The following TMEM170B variants were observed in gnomAD, a reference collection of about 807,000 sequenced individuals.
TMEM170B encodes transmembrane protein 170B.
Under a neutral mutation model 13.0 loss-of-function variants are expected in TMEM170B, and 6 were observed. The observed-to-expected ratio is 0.46, with a 90% CI of 0.25 to 0.91. TMEM170B has a LOEUF of 0.91. TMEM170B is among the 40% of genes least tolerant of loss of function. The pLI, the probability that TMEM170B is intolerant of heterozygous loss-of-function variation, is 0.17. For synonymous variants in TMEM170B, 61 were observed against 64.9 expected (o/e 0.94, Z 0.29); for missense variants, 138 against 165.2 (o/e 0.84, Z 0.90).
chr6:11,575,304 T>C lies in TMEM170B; in HGVS notation c.269-127T>C, dbSNP rs1759859478. ...CACAGGGAAACTTTTTCATAGAAAG[T>C]GGATAAAATGAGAAAAAAATGATGA... is the stretch of plus-strand genomic sequence containing the variant. On this transcript the variant is annotated intron_variant, in intron 2 of 2. Transcript: ENST00000379426. This position sits in a 1 kb window ranked among gnomAD's most constrained non-coding sequence, Gnocchi z 4.1. 1.5e-5 allele frequency: 19 copies of C among 1,292,040 alleles called. No homozygotes were observed. In the South Asian group the frequency reaches 2.8e-4, roughly 19 times the overall value. The allele number at this position is 1,292,040 out of a possible 1,614,324, so 80.0% of individuals were successfully genotyped here. A position where few individuals can be genotyped will look rare whatever the true frequency, so the allele number is the denominator to read the frequency against.
chr6:11,562,170 C>G lies in TMEM170B; in HGVS notation c.98-3496C>G, dbSNP rs554536077. On this transcript the variant is annotated intron_variant, in intron 1 of 2. Coordinates refer to ENST00000379426, the MANE Select transcript of TMEM170B (RefSeq NM_001100829.3). ...AGCTCCCTTGATGAAAATATACACCCCCATATTCTACTCCCTTATATTCTC... is the reference window on the plus strand; with the variant it reads ...AGCTCCCTTGATGAAAATATACACCGCCATATTCTACTCCCTTATATTCTC... Among the ~76,000 whole-genome samples the G allele has an allele frequency of 1.4e-4, 21 of 152,088 alleles. 1 individual carries two copies. In the East Asian group the frequency reaches 3.9e-3, roughly 28 times the overall value.
chr6:11,582,057 G>A lies in TMEM170B; in HGVS notation c.*6496G>A, dbSNP rs1445559641. ...TTAGATGAACAAATAGGAAATTCAC[G>A]GTATTTTTTGTTTTAGCCATCCAAA... is the stretch of plus-strand genomic sequence containing the variant. On this transcript the variant is annotated 3_prime_UTR_variant, in exon 3 of 3. Coordinates refer to ENST00000379426, the MANE Select transcript of TMEM170B (RefSeq NM_001100829.3). The A allele has an allele frequency of 1.3e-5, 2 of 152,018 alleles. No individual in the cohort carries two copies. The highest frequency in any genetic ancestry group is 6.6e-5 in the Admixed American group (1 of 15,258). 9.4% of individuals were successfully genotyped at this position (152,018 alleles called of 1,614,324 possible).
intron 1 of TMEM170B, among the ~76,000 whole-genome samples, chr6:11,550,543 C>G (rs1759511370): frequency 6.6e-6 from 1 of 151,584 alleles, no homozygotes; most frequent in Non-Finnish European, 1.5e-5. Context: ...AAACGTATAC[C>G]CAGGGTTTTG....
At chr6:11,566,792 C>T (rs1759738924) in intron 2 of TMEM170B, among the ~76,000 whole-genome samples, 1 of 152,220 alleles carries the variant, frequency 6.6e-6, no homozygotes, top group Non-Finnish European at 1.5e-5. Context: ...CCCGCATGCG[C>T]GGTGTCCTCT....
rs1204220811 is a variant in TMEM170B at position 11,579,234 on chromosome 6, T to C, written c.*3673T>C. The C allele has an allele frequency of 6.6e-6, 1 of 152,210 alleles. No individual in the cohort carries two copies. The highest frequency in any genetic ancestry group is 2.4e-5 in the African/African-American group (1 of 41,456). The allele number at this position is 152,210 out of a possible 1,614,324, so 9.4% of individuals were successfully genotyped here. ...TGACATAGTGAAGAGAATACGAGAC[T>C]CCAAGCCAGCAACACAGATTGAATT... is the stretch of plus-strand genomic sequence containing the variant. On this transcript the variant is annotated 3_prime_UTR_variant, in exon 3 of 3. Coordinates refer to ENST00000379426, the MANE Select transcript of TMEM170B (RefSeq NM_001100829.3).
Position 11,575,543 on chromosome 6 carries a change from G to T in TMEM170B, c.381G>T (p.Arg127Ser). The change falls in exon 3 of 3, where the codon AGG becomes AGT. Residue 127 changes from arginine to serine, a missense_variant. Arg to Ser is a moderately radical substitution (Grantham distance 110, BLOSUM62 -1). Coordinates refer to ENST00000379426, the MANE Select transcript of TMEM170B (RefSeq NM_001100829.3). The surrounding 1 kb of genome is among the most constrained non-coding windows in gnomAD (Gnocchi z 4.1). ...TGACATTAATCATCTCCTTTTCAAG[G>T]ATCCTCGCTACACTTTGAGGTTTCT... The part of the protein sequence containing the change: ...TVLTLIISFS[R>S]ILATL 6.2e-7 allele frequency: 1 copy of T among 1,613,070 alleles called. No individual in the cohort carries two copies. Among genetic ancestry groups the T allele is most frequent in the Non-Finnish European group, 8.5e-7 (1 of 1,179,380 alleles).
intron 1 of TMEM170B, among the ~76,000 whole-genome samples, chr6:11,560,626 T>C (rs969407789): frequency 8.6e-5 from 13 of 151,440 alleles, no homozygotes; most frequent in African/African-American, 3.1e-4. Context: ...AAAAATATTA[T>C]ATTTGCAGTA....
At chr6:11,539,314 A>T (rs1466780922) in intron 1 of TMEM170B, among the ~76,000 whole-genome samples, 1 of 152,240 alleles carries the variant, frequency 6.6e-6, no homozygotes, top group Non-Finnish European at 1.5e-5. Context: ...TCTTAAAAAA[A>T]TACTCAGAAT....
At chr6:11,557,225 C>T (rs778908825) in intron 1 of TMEM170B, among the ~76,000 whole-genome samples, 2 of 152,252 alleles carry the variant, frequency 1.3e-5, no homozygotes, top group East Asian at 1.9e-4. Flanking sequence ...GGAAAAGTTA[C>T]GATTGTATAA....
In TMEM170B at chr6:11,558,511, G is replaced by A. The variant is rs149435585; in HGVS notation, c.98-7155G>A. Among the ~76,000 whole-genome samples, 20 of 152,200 alleles carry A rather than the reference G, an allele frequency of 1.3e-4. No homozygotes were observed. The East Asian group carries it at 1.7e-3, about 13-fold the overall frequency. On this transcript the variant is annotated intron_variant, in intron 1 of 2. Transcript: ENST00000379426. ...AAAATTCCAGTGCCCAAGCTACATC[G>A]TAAACCAATTAAATCAGAATGTCTG... is the stretch of plus-strand genomic sequence containing the variant.
chr6:11,548,842 G>A (rs992974699), intron 1 of TMEM170B, among the ~76,000 whole-genome samples: 4 of 150,894 alleles, frequency 2.7e-5, no homozygotes, highest in African/African-American at 7.3e-5. Context: ...CAAAGATCGC[G>A]TGCTCTCACT....
At chr6:11,555,699 TA>T (rs1759578417) in intron 1 of TMEM170B, among the ~76,000 whole-genome samples, 2 of 152,230 alleles carry the variant, frequency 1.3e-5, no homozygotes, top group Non-Finnish European at 2.9e-5. Context: ...CTAGAGACTT[TA>T]ACATATTAAC....
At chr6:11,538,825 G>A (rs1759320845) in intron 1 of TMEM170B, among the ~76,000 whole-genome samples, 1 of 152,042 alleles carries the variant, frequency 6.6e-6, no homozygotes, top group Admixed American at 6.5e-5. Flanking sequence ...TAAAATCATT[G>A]CCCACAATGG....
intron 2 of TMEM170B, among the ~76,000 whole-genome samples, chr6:11,572,345 A>T (rs999962337): frequency 6.6e-6 from 1 of 152,204 alleles, no homozygotes; most frequent in African/African-American, 2.4e-5. Context: ...GAAAATGAAT[A>T]AGTTATAGCT....
At position 11,575,419 on chromosome 6, in the gene TMEM170B, G is replaced by C; in HGVS notation, c.269-12G>C. 1 of 1,612,454 alleles carries C rather than the reference G, an allele frequency of 6.2e-7. No individual in the cohort carries two copies. Among genetic ancestry groups the C allele is most frequent in the Non-Finnish European group, 8.5e-7 (1 of 1,179,098 alleles). Reference sequence around the variant, plus strand: ...GACTGTATCCCTTCATTTTTCTCCCGTTTCTCCTTAGGTGCAGCAGTAGCG... The same window carrying C: ...GACTGTATCCCTTCATTTTTCTCCCCTTTCTCCTTAGGTGCAGCAGTAGCG... On this transcript the variant is annotated splice_polypyrimidine_tract_variant and intron_variant, in intron 2 of 2. Coordinates refer to ENST00000379426, the MANE Select transcript of TMEM170B (RefSeq NM_001100829.3). The surrounding 1 kb of genome is among the most constrained non-coding windows in gnomAD (Gnocchi z 4.1).
chr6:11,550,280 C>G (rs768266805), intron 1 of TMEM170B, among the ~76,000 whole-genome samples: 1 of 151,446 alleles, frequency 6.6e-6, no homozygotes, highest in African/African-American at 2.4e-5. Context: ...TCAAGCGATT[C>G]TCTTGCTTCC....
chr6:11,560,394 G>A (rs1759647517), intron 1 of TMEM170B, among the ~76,000 whole-genome samples: 1 of 147,776 alleles, frequency 6.8e-6, no homozygotes, highest in Non-Finnish European at 1.5e-5. Context: ...GGATGGTCTC[G>A]ATCTCCTGAC....
chr6:11,554,114 T>G (rs1057029290), intron 1 of TMEM170B, among the ~76,000 whole-genome samples: 1 of 152,118 alleles, frequency 6.6e-6, no homozygotes, highest in African/African-American at 2.4e-5. Flanking sequence ...CAGGAATGTA[T>G]TATATTGAGA....
chr6:11,543,363 G>A (rs577057068), intron 1 of TMEM170B, among the ~76,000 whole-genome samples: 1 of 152,170 alleles, frequency 6.6e-6, no homozygotes, highest in African/African-American at 2.4e-5. Flanking sequence ...TGTTAAGGAA[G>A]AATGAAGTGT....
Sources: allele counts gnomAD v4.1 joint callset (sites outside exome capture counted in the v4.1 genomes callset), GRCh38; gene constraint gnomAD v4.1.1; non-coding constraint Gnocchi (gnomAD v3.1); transcripts MANE v1.5; gene names NCBI Gene and HGNC (gene_info 2026-07-23, HGNC 2026-07-21).